The following CTNND2 variants were observed in gnomAD, a reference collection of about 807,000 sequenced individuals.
CTNND2 encodes the protein catenin delta 2.
Under a neutral mutation model 144.4 loss-of-function variants are expected in CTNND2, and 22 were observed. The ratio of observed to expected loss-of-function variants is 0.15; its 90% CI spans 0.11 to 0.22. The LOEUF (loss-of-function observed/expected upper bound fraction) is 0.22. Ranked by LOEUF, CTNND2 falls within the 10% of genes least tolerant of loss-of-function variation. The pLI is 1.00. For synonymous variants in CTNND2, 751 were observed against 695.6 expected, an observed-to-expected ratio of 1.08 and a Z score of -1.25; for missense variants, 1,353 against 1,618.8, an observed-to-expected ratio of 0.84 and a Z score of 2.82.
At chr5:11,670,639 T>C (rs1240865983) in intron 2 of CTNND2, among the ~76,000 whole-genome samples, 1 of 151,662 alleles carries the variant, frequency 6.6e-6, no homozygotes, top group Non-Finnish European at 1.5e-5. Context: ...TTTTGAACCT[T>C]CCATCCCTTT....
At chr5:11,631,998 T>C (rs753626780) in intron 2 of CTNND2, among the ~76,000 whole-genome samples, 44 of 152,212 alleles carry the variant, frequency 2.9e-4, no homozygotes, top group Non-Finnish European at 5.7e-4. Flanking sequence ...GGAATGGCTA[T>C]ATTTAAAATA....
At chr5:11,555,495 G>A (rs928243438) in intron 3 of CTNND2, among the ~76,000 whole-genome samples, 1 of 152,162 alleles carries the variant, frequency 6.6e-6, no homozygotes, top group Non-Finnish European at 1.5e-5. Flanking sequence ...AGCAACGGCT[G>A]TAAATGCTCC....
Position 11,802,649 on chromosome 5 carries a change from C to T in CTNND2, c.38-70377G>A, listed in dbSNP as rs1958938394. ...ACTTGTTACCTTGTTACAGTGTATA[C>T]ACTTTACCAGGTCATATATAATAAA... On this transcript the variant is annotated intron_variant, in intron 1 of 21. Coordinates refer to ENST00000304623, the MANE Select transcript of CTNND2 (RefSeq NM_001332.4). Among the ~76,000 whole-genome samples the T allele has an allele frequency of 2.0e-5, 3 of 151,900 alleles. No homozygotes were observed. In the South Asian group the frequency reaches 6.2e-4, roughly 31 times the overall value.
chr5:11,434,275 C>T (rs1299513421), intron 3 of CTNND2, among the ~76,000 whole-genome samples: 1 of 152,160 alleles, frequency 6.6e-6, no homozygotes, highest in South Asian at 2.1e-4. Context: ...ACGAGCAAAA[C>T]TAATCCATGG....
intron 3 of CTNND2, among the ~76,000 whole-genome samples, chr5:11,472,242 A>G (rs1212801204): frequency 1.3e-5 from 2 of 152,200 alleles, no homozygotes. Context: ...TTTTATAGCC[A>G]ATGAGATAAC....
intron 2 of CTNND2, among the ~76,000 whole-genome samples, chr5:11,690,738 G>A (rs1200685481): frequency 6.3e-5 from 5 of 79,516 alleles, no homozygotes; most frequent in East Asian, 8.0e-4. Flanking sequence ...GCGAGACTCC[G>A]TCTCAAAAAA....
chr5:11,458,445 C>T (rs1391634901), intron 3 of CTNND2, among the ~76,000 whole-genome samples: 1 of 152,146 alleles, frequency 6.6e-6, no homozygotes, highest in Non-Finnish European at 1.5e-5. Flanking sequence ...AATGAGTTGT[C>T]CAAAGTCCAT....
At chr5:11,668,140 C>G (rs1007425179) in intron 2 of CTNND2, among the ~76,000 whole-genome samples, 2 of 152,152 alleles carry the variant, frequency 1.3e-5, no homozygotes. Context: ...GTTTTGGTAC[C>G]AGTACCATGC....
chr5:11,244,280 ATTTTT>A (rs11322159), intron 9 of CTNND2, among the ~76,000 whole-genome samples: 27 of 104,088 alleles, frequency 2.6e-4, no homozygotes, highest in African/African-American at 1.0e-3. Context: ...GTCCTATACA[ATTTTT>A]TTTTTTTTTT....
chr5:11,365,361 T>C (rs1756878528), intron 7 of CTNND2, among the ~76,000 whole-genome samples: 1 of 152,194 alleles, frequency 6.6e-6, no homozygotes, highest in African/African-American at 2.4e-5. Flanking sequence ...CATCAGCAGT[T>C]TTTCCCTGGG....
At chr5:11,747,847 T>C (rs990171952) in intron 1 of CTNND2, among the ~76,000 whole-genome samples, 2 of 152,122 alleles carry the variant, frequency 1.3e-5, no homozygotes, top group Non-Finnish European at 2.9e-5. Context: ...TCGCAACATG[T>C]TCTTACTTCA....
intron 2 of CTNND2, among the ~76,000 whole-genome samples, chr5:11,636,386 G>A (rs1196349829): frequency 1.3e-5 from 2 of 152,224 alleles, no homozygotes; most frequent in East Asian, 3.9e-4. Context: ...AAAGAATACA[G>A]CGCTTTGTTA....
intron 5 of CTNND2, among the ~76,000 whole-genome samples, chr5:11,409,215 T>C (rs1761327156): frequency 6.6e-6 from 1 of 152,048 alleles, no homozygotes; most frequent in Admixed American, 6.6e-5. Flanking sequence ...TTAGTTTTAA[T>C]ATTAGTACAT....
chr5:11,125,882 T>C (rs1229244036), intron 12 of CTNND2, among the ~76,000 whole-genome samples: 1 of 152,262 alleles, frequency 6.6e-6, no homozygotes, highest in Non-Finnish European at 1.5e-5. Context: ...ATGAACCATG[T>C]AGGTAAGATT....
intron 13 of CTNND2, among the ~76,000 whole-genome samples, chr5:11,115,282 T>G (rs2149691307): frequency 6.6e-6 from 1 of 152,366 alleles, no homozygotes; most frequent in Middle Eastern, 3.4e-3. Flanking sequence ...TCTTGAACCA[T>G]GGCTCCTGAA....
In CTNND2 at chr5:11,903,898, CGCGGCGCCG is replaced by C. The variant is rs1738120343; in HGVS notation, c.-54_-46del. The stretch of plus-strand genomic sequence containing the variant: ...GCTCCTCAGTCCGGGAAGAGGCGTG[CGCGGCGCCG>C]CCCGGCTTCAGGGCAAGGTCCTGAC... On this transcript the variant is annotated 5_prime_UTR_variant, in exon 1 of 22. Transcript: ENST00000304623. The surrounding 1 kb of genome is among the most constrained non-coding windows in gnomAD (Gnocchi z 5.4). 1 of 1,405,338 alleles carries C rather than the reference CGCGGCGCCG, an allele frequency of 7.1e-7. No individual in the cohort carries two copies. The highest frequency in any genetic ancestry group is 1.5e-5 in the African/African-American group (1 of 66,018). 87.1% of individuals were successfully genotyped at this position (1,405,338 alleles called of 1,614,324 possible).
At chr5:11,786,509 A>G (rs1790840261) in intron 1 of CTNND2, among the ~76,000 whole-genome samples, 1 of 152,218 alleles carries the variant, frequency 6.6e-6, no homozygotes, top group Admixed American at 6.5e-5. Context: ...ATTAATTGCT[A>G]CTGATAATTC....
intron 9 of CTNND2, among the ~76,000 whole-genome samples, chr5:11,304,597 G>A (rs963395883): frequency 6.6e-6 from 1 of 152,124 alleles, no homozygotes; most frequent in African/African-American, 2.4e-5. Flanking sequence ...TGAGATCAGG[G>A]ACAAGGAACA....
chr5:11,835,656 A>G (rs1794138700), intron 1 of CTNND2, among the ~76,000 whole-genome samples: 1 of 152,196 alleles, frequency 6.6e-6, no homozygotes, highest in Non-Finnish European at 1.5e-5. Flanking sequence ...ATGTAACGAT[A>G]TTCCCAGTTT....
Sources: gnomAD v4.1 joint callset for allele counts (sites outside exome capture counted in the v4.1 genomes callset) on GRCh38, gnomAD v4.1.1 for gene constraint, Gnocchi (gnomAD v3.1) non-coding constraint, MANE v1.5 for transcripts, NCBI Gene and HGNC (gene_info 2026-07-23, HGNC 2026-07-21) for gene names.